Variants in MACROD2 observed in about 807,000 individuals in gnomAD.
MACROD2 encodes ADP-ribose glycohydrolase MACROD2.
MACROD2 carries 36 observed loss-of-function variants against 70.4 expected under a neutral mutation model. That is an observed-to-expected ratio of 0.51 (90% CI 0.39 to 0.68). The LOEUF is 0.68. Among genes scored for constraint, MACROD2 ranks in the 30% least tolerant of loss-of-function variants. The pLI is 0.00. For synonymous variants in MACROD2, 172 were observed against 178.8 expected, an observed-to-expected ratio of 0.96 and a Z score of 0.30; for missense variants, 496 against 538.4, an observed-to-expected ratio of 0.92 and a Z score of 0.78.
At chr20:16,038,074 AT>A (rs2067258567) in intron 15 of MACROD2, among the ~76,000 whole-genome samples, 2 of 151,764 alleles carry the variant, frequency 1.3e-5, no homozygotes, top group African/African-American at 4.8e-5. Context: ...CAAAGATGTC[AT>A]TGCATCATCT....
chr20:14,990,395 G>T (rs1395860735), intron 5 of MACROD2, among the ~76,000 whole-genome samples: 2 of 151,978 alleles, frequency 1.3e-5, no homozygotes, highest in African/African-American at 4.8e-5. Flanking sequence ...TATCTCTGAA[G>T]ACAGGGGCTC....
At chr20:15,423,053 A>G (rs1233849942) in intron 6 of MACROD2, among the ~76,000 whole-genome samples, 1 of 152,026 alleles carries the variant, frequency 6.6e-6, no homozygotes, top group East Asian at 1.9e-4. Flanking sequence ...AATGGAAAAC[A>G]AGCATTACTT....
intron 3 of MACROD2, among the ~76,000 whole-genome samples, chr20:14,249,164 G>T (rs1440651101): frequency 5.2e-5 from 6 of 115,950 alleles, no homozygotes; most frequent in African/African-American, 1.1e-4. Context: ...AGATGACACA[G>T]AAACTTCTCA....
chr20:15,683,800 G>A (rs1230010721), intron 8 of MACROD2, among the ~76,000 whole-genome samples: 2 of 152,034 alleles, frequency 1.3e-5, no homozygotes, highest in Non-Finnish European at 2.9e-5. Context: ...TGCTGGTCTC[G>A]AACTCCTGAC....
intron 5 of MACROD2, among the ~76,000 whole-genome samples, chr20:15,149,237 T>C (rs2145857904): frequency 6.6e-6 from 1 of 152,162 alleles, no homozygotes; most frequent in African/African-American, 2.4e-5. Flanking sequence ...GAGAAGTTAT[T>C]TCCTTGAGGA....
At chr20:14,584,031 A>C (rs1357520293) in intron 4 of MACROD2, among the ~76,000 whole-genome samples, 1 of 152,122 alleles carries the variant, frequency 6.6e-6, no homozygotes. Context: ...TCCAGGAATT[A>C]GGGATGCAAT....
chr20:14,979,214 C>G (rs2074774959), intron 5 of MACROD2, among the ~76,000 whole-genome samples: 1 of 151,680 alleles, frequency 6.6e-6, no homozygotes, highest in South Asian at 2.1e-4. Context: ...CCTACCTCGG[C>G]CTTCTAAAGT....
chr20:15,867,131 T>C (rs549312983), intron 9 of MACROD2, among the ~76,000 whole-genome samples: 1 of 152,298 alleles, frequency 6.6e-6, no homozygotes, highest in African/African-American at 2.4e-5. Context: ...TCTGAGTCAT[T>C]TGTGCTGTAT....
chr20:14,085,279 T>A (rs1406632557), intron 2 of MACROD2, among the ~76,000 whole-genome samples: 5 of 152,136 alleles, frequency 3.3e-5, no homozygotes, highest in Admixed American at 1.3e-4. Flanking sequence ...GATTAAAGAT[T>A]AATACATCTT....
intron 5 of MACROD2, among the ~76,000 whole-genome samples, chr20:15,050,942 A>G (rs898526313): frequency 6.6e-6 from 1 of 152,186 alleles, no homozygotes. Context: ...ATTTTATTAT[A>G]AAATGTAAAA....
intron 5 of MACROD2, among the ~76,000 whole-genome samples, chr20:15,123,761 T>TGCAA (rs1242834856): frequency 6.6e-6 from 1 of 152,202 alleles, no homozygotes; most frequent in Non-Finnish European, 1.5e-5. Flanking sequence ...TTCTGCTGCT[T>TGCAA]GCAACATAAA....
intron 8 of MACROD2, among the ~76,000 whole-genome samples, chr20:15,850,490 A>G (rs1389665768): frequency 6.6e-6 from 1 of 152,250 alleles, no homozygotes; most frequent in African/African-American, 2.4e-5. Context: ...AGGGCACCTC[A>G]GTGCTGCCAC....
intron 2 of MACROD2, among the ~76,000 whole-genome samples, chr20:14,074,061 C>T (rs1286080307): frequency 1.3e-5 from 2 of 152,198 alleles, no homozygotes; most frequent in Admixed American, 6.5e-5. Context: ...CCCCACCATC[C>T]CCCAGGCAAC....
At chr20:15,936,611 A>G (rs2065665714) in intron 11 of MACROD2, among the ~76,000 whole-genome samples, 1 of 149,898 alleles carries the variant, frequency 6.7e-6, no homozygotes, top group Non-Finnish European at 1.5e-5. Flanking sequence ...ACACATTTGG[A>G]ATCAAATCAC....
chr20:15,396,397 A>T (rs567828791), intron 6 of MACROD2, among the ~76,000 whole-genome samples: 1 of 152,208 alleles, frequency 6.6e-6, no homozygotes, highest in South Asian at 2.1e-4. Context: ...AAGTCACACA[A>T]CTCTCATGTG....
chr20:14,531,465 A>G (rs1435688844), intron 4 of MACROD2, among the ~76,000 whole-genome samples: 7 of 152,188 alleles, frequency 4.6e-5, no homozygotes, highest in Non-Finnish European at 1.0e-4. Flanking sequence ...TTAGCAAGGA[A>G]GATTCTTCCC....
chr20:15,705,164 A>G (rs1476302029), intron 8 of MACROD2, among the ~76,000 whole-genome samples: 1 of 152,212 alleles, frequency 6.6e-6, no homozygotes, highest in African/African-American at 2.4e-5. Context: ...ATATAATACA[A>G]TTCCTCATAA....
At chr20:14,729,978 TAGG>T (rs1225639490) in intron 5 of MACROD2, among the ~76,000 whole-genome samples, 1 of 152,058 alleles carries the variant, frequency 6.6e-6, no homozygotes, top group East Asian at 1.9e-4. Flanking sequence ...ACCATTTTTT[TAGG>T]AGAATCAAAT....
At position 14,214,751 on chromosome 20, in the gene MACROD2, C is replaced by G. The variant is rs183299032; in HGVS notation, c.271+129023C>G. Reference sequence around the variant, plus strand: ...TATTTGTAGTCTTCTATCCCTCGCTCCCATCCCACTCTTTCCCCCAAGTAC... The same window carrying G: ...TATTTGTAGTCTTCTATCCCTCGCTGCCATCCCACTCTTTCCCCCAAGTAC... On this transcript the variant is annotated intron_variant, in intron 3 of 17. Transcript: ENST00000684519. Among the ~76,000 whole-genome samples the G allele has an allele frequency of 1.8e-3, 276 of 151,580 alleles. 1 individual carries two copies. Among genetic ancestry groups the G allele is most frequent in the African/African-American group, 6.5e-3 (267 of 41,318 alleles).
Sources: gnomAD v4.1 joint callset for allele counts (sites outside exome capture counted in the v4.1 genomes callset) on GRCh38, gnomAD v4.1.1 for gene constraint, MANE v1.5 for transcripts, NCBI Gene and HGNC (gene_info 2026-07-23, HGNC 2026-07-21) for gene names.